MSLN: variants seen among roughly 807,000 people sequenced by gnomAD.
MSLN encodes mesothelin.
MSLN carries 82 observed loss-of-function variants against 72.6 expected under a neutral mutation model. The observed-to-expected ratio is 1.13, with a 90% CI of 0.94 to 1.36. MSLN has a LOEUF of 1.36. Ranked by LOEUF, MSLN falls within the 40% of genes most tolerant of loss-of-function variation. The pLI, the probability that MSLN is intolerant of heterozygous loss-of-function variation, is 0.00. For missense variants in MSLN, 1,005 were observed against 847.9 expected, an observed-to-expected ratio of 1.19 and a Z score of -2.30; for synonymous variants, 456 against 387.3, an observed-to-expected ratio of 1.18 and a Z score of -2.08.
At position 763,671 on chromosome 16, in the gene MSLN, C is replaced by T; in HGVS notation, c.159C>T (p.Ala53=). 4 of 1,574,324 alleles carry T rather than the reference C, an allele frequency of 2.5e-6. No homozygotes were observed. The highest frequency in any genetic ancestry group is 1.1e-5 in the South Asian group (1 of 88,712). Reference sequence around the variant, plus strand: ...CTGCGCCCCTGGACGGAGTCCTGGCCAACCCACCTAACATTTCCAGGTGGG... The same window carrying T: ...CTGCGCCCCTGGACGGAGTCCTGGCTAACCCACCTAACATTTCCAGGTGGG... ...QEAAPLDGVL[A]NPPNISSLSP... The change falls in exon 5 of 18, where the codon GCC becomes GCT. Residue 53 remains alanine, a synonymous_variant. Coordinates refer to ENST00000545450, the MANE Select transcript of MSLN (RefSeq NM_005823.6).
chr16:766,633 C>T lies in MSLN; in HGVS notation c.1231-35C>T, dbSNP rs372643119. 110 of 1,611,832 alleles carry T rather than the reference C, an allele frequency of 6.8e-5. No homozygotes were observed. The African/African-American group carries it at 1.2e-3, about 18-fold the overall frequency. On this transcript the variant is annotated intron_variant, in intron 13 of 17. Coordinates refer to ENST00000545450, the MANE Select transcript of MSLN (RefSeq NM_005823.6). ...CTGGTGGTGGAGGGATACATCTCTC[C>T]TTGCCACAAGGCTCCTCGGCGGCCC...
rs763315070 is a variant in MSLN, at chr16:766,772, C to T, written c.1335C>T (p.Ser445=). ...AFYPGYLCSL[S]PEELSSVPPS... is the part of the protein sequence containing the mutation. ...ACCCTGGGTACCTGTGCTCCCTCAG[C>T]CCCGAGGAGCTGAGCTCCGTGCCCC... The change falls in exon 14 of 18, where the codon AGC becomes AGT. Residue 445 remains serine, a synonymous_variant. Transcript: ENST00000545450. 2 of 1,612,628 alleles carry T rather than the reference C, an allele frequency of 1.2e-6. No individual in the cohort carries two copies. Among genetic ancestry groups the T allele is most frequent in the Non-Finnish European group, 1.7e-6 (2 of 1,179,892 alleles).
At chr16:765,389 C>A in intron 9 of MSLN, 86 bp downstream of exon 9, 6 of 1,433,136 alleles carry the variant, frequency 4.2e-6, no homozygotes, top group Non-Finnish European at 5.6e-6. Context: ...TGCCTCAAGG[C>A]CCAGGGTCAG....
intron 4 of MSLN, 117 bp from the exon 5 acceptor site, chr16:763,525 G>A: frequency 9.3e-7 from 1 of 1,079,192 alleles, no homozygotes; most frequent in Non-Finnish European, 1.3e-6. Flanking sequence ...CTGAGACACA[G>A]CCAGGCCTGG....
intron 16 of MSLN, among the ~76,000 whole-genome samples, chr16:768,049 G>A (rs1168731660): frequency 1.5e-4 from 13 of 87,904 alleles, no homozygotes; most frequent in Admixed American, 5.5e-4. Flanking sequence ...TGGAGGGGGC[G>A]CGTGGAGGAG....
chr16:762,824 G>T (rs2041553463), intron 3 of MSLN, 59 bp downstream of exon 3: 4 of 1,406,722 alleles, frequency 2.8e-6, no homozygotes, highest in Non-Finnish European at 3.8e-6. Context: ...TTGGGGGCCA[G>T]GCCCCCAGCA....
chr16:764,780 C>T, intron 7 of MSLN, 54 bp downstream of exon 7: 1 of 1,578,614 alleles, frequency 6.3e-7, no homozygotes, highest in Non-Finnish European at 8.6e-7. Flanking sequence ...AGCCCTCAGC[C>T]CCCAACCCCC....
Position 768,364 on chromosome 16 carries a change from C to T in MSLN, c.1597-15C>T, listed in dbSNP as rs183116698. On this transcript the variant is annotated splice_polypyrimidine_tract_variant and intron_variant, in intron 16 of 17. Transcript: ENST00000545450. Reference sequence around the variant, plus strand: ...AAGGAGACCCTCCTTGATGGCTGCCCGGGGTCTCTGGCAGCCGTTGACTGT... The same window carrying T: ...AAGGAGACCCTCCTTGATGGCTGCCTGGGGTCTCTGGCAGCCGTTGACTGT... 3.3e-5 allele frequency: 50 copies of T among 1,502,414 alleles called. No homozygotes were observed. In the Admixed American group the frequency reaches 3.4e-4, roughly 10 times the overall value. 93.1% of individuals were successfully genotyped at this position (1,502,414 alleles called of 1,614,324 possible).
intron 4 of MSLN, 125 bp from the exon 5 acceptor site, chr16:763,517 G>T: frequency 9.7e-7 from 1 of 1,027,092 alleles, no homozygotes; most frequent in Non-Finnish European, 1.4e-6. Context: ...CCATGGGTCT[G>T]AGACACAGCC....
At chr16:764,236 C>A in intron 6 of MSLN, 93 bp downstream of exon 6, 1 of 1,473,662 alleles carries the variant, frequency 6.8e-7, no homozygotes, top group East Asian at 2.4e-5. Flanking sequence ...CCACGGTCCC[C>A]TCTGTCCCTG....
chr16:763,331 C>A, intron 4 of MSLN, 55 bp downstream of exon 4: 1 of 1,389,092 alleles, frequency 7.2e-7, no homozygotes, highest in Non-Finnish European at 9.9e-7. Context: ...GGTGGGGGTG[C>A]CATGCTGTGT....
chr16:766,903 C>A lies in MSLN; in HGVS notation c.1392C>A (p.Asp464Glu), dbSNP rs552285079. 6.2e-7 allele frequency: 1 copy of A among 1,612,512 alleles called. No individual in the cohort carries two copies. The highest frequency in any genetic ancestry group is 8.5e-7 in the Non-Finnish European group (1 of 1,179,880). Residue 464 changes from aspartate to glutamate, a missense_variant, in exon 15 of 18, where the codon GAC (aspartate) becomes GAA (glutamate). Transcript: ENST00000545450. ...PSSIWAVRPQ[D>E]LDTCDPRQLD... is the part of the protein sequence containing the mutation. ...TCCCCAGGGCGGTCAGGCCCCAGGA[C>A]CTGGACACGTGTGACCCAAGGCAGC...
intron 5 of MSLN, 120 bp from the exon 6 acceptor site, chr16:763,903 A>T: frequency 7.4e-7 from 1 of 1,343,078 alleles, no homozygotes; most frequent in Non-Finnish European, 1.0e-6. Context: ...TCTTGGGGGG[A>T]GGTCTGCAGG....
At position 764,682 on chromosome 16, in the gene MSLN, C is replaced by A. The variant is rs369613794; in HGVS notation, c.336C>A (p.Pro112=). Reference sequence around the variant, plus strand: ...TGGCTCACCGGCTCTCTGAGCCCCCCGAGGACCTGGACGCCCTCCCATTGG... The same window carrying A: ...TGGCTCACCGGCTCTCTGAGCCCCCAGAGGACCTGGACGCCCTCCCATTGG... ...RCLAHRLSEP[P]EDLDALPLDL... is the part of the protein sequence containing the mutation. Residue 112 remains proline, a synonymous_variant, in exon 7 of 18, where the codon CCC becomes CCA. Coordinates refer to ENST00000545450, the MANE Select transcript of MSLN (RefSeq NM_005823.6). The A allele has an allele frequency of 1.9e-6, 3 of 1,612,386 alleles. No individual in the cohort carries two copies. The Admixed American group carries it at 5.0e-5, about 27-fold the overall frequency.
chr16:768,527 T>A lies in MSLN; in HGVS notation c.1745T>A (p.Ile582Asn). 1 of 1,600,674 alleles carries A rather than the reference T, an allele frequency of 6.2e-7. No homozygotes were observed. Among genetic ancestry groups the A allele is most frequent in the Non-Finnish European group, 8.5e-7 (1 of 1,172,756 alleles). The change falls in exon 17 of 18, where the codon ATC becomes AAC. Residue 582 changes from isoleucine to asparagine, a missense_variant. Physicochemically the swap from Ile to Asn is moderately radical, Grantham distance 149. Transcript: ENST00000545450. ...CTGGGGCTGGGGCTACAGGGCGGCA[T>A]CCCCAACGGCTACCTGGTCCTAGAC... ...DTLGLGLQGG[I>N]PNGYLVLDLS...
intron 2 of MSLN, 54 bp from the exon 3 acceptor site, chr16:762,618 C>T: frequency 7.2e-7 from 1 of 1,393,176 alleles, no homozygotes; most frequent in Non-Finnish European, 1.0e-6. Flanking sequence ...TGGCCCAGGA[C>T]AGAGGCGTGG....
Position 768,452 on chromosome 16 carries a change from GC to G in MSLN, c.1673del (p.Pro558ArgfsTer32). 2 of 1,539,790 alleles carry G rather than the reference GC, an allele frequency of 1.3e-6. No homozygotes were observed. Among genetic ancestry groups the G allele is most frequent in the South Asian group, 1.2e-5 (1 of 81,274 alleles). ...VEGLKAEERH[R>X]PVRDWILRQR... ...GGCCTGAAGGCGGAGGAGCGGCACC[GC>G]CCGGTGCGGGACTGGATCCTACGGC... On this transcript the variant is annotated frameshift_variant, in exon 17 of 18. Transcript: ENST00000545450. LOFTEE classifies it high-confidence loss of function.
At position 764,664 on chromosome 16, in the gene MSLN, C is replaced by T. The variant is rs1031505263; in HGVS notation, c.318C>T (p.His106=). 3.1e-6 allele frequency: 5 copies of T among 1,612,312 alleles called. No individual in the cohort carries two copies. In the African/African-American group the frequency reaches 5.3e-5, roughly 17 times the overall value. Residue 106 remains histidine (H), a synonymous_variant, in exon 7 of 18, where the codon CAC becomes CAT. Transcript: ENST00000545450. Reference sequence around the variant, plus strand: ...CCCTGCAGCTGCGCTGTCTGGCTCACCGGCTCTCTGAGCCCCCCGAGGACC... The same window carrying T: ...CCCTGCAGCTGCGCTGTCTGGCTCATCGGCTCTCTGAGCCCCCCGAGGACC... ...LSTEQLRCLA[H]RLSEPPEDLD...
At position 762,645 on chromosome 16, in the gene MSLN, C is replaced by G. The variant is rs781285581; in HGVS notation, c.-9-27C>G. On this transcript the variant is annotated intron_variant, in intron 2 of 17. Coordinates refer to ENST00000545450, the MANE Select transcript of MSLN (RefSeq NM_005823.6). ...GAGGCGTGGGGTGGGAGCAGGGGGT[C>G]CCATCCTGAGTCACTGCCCTCCACA... 5.1e-6 allele frequency: 8 copies of G among 1,555,446 alleles called. No individual in the cohort carries two copies. In the East Asian group the frequency reaches 1.1e-4, roughly 22 times the overall value.
Sources: allele counts gnomAD v4.1 joint callset (sites outside exome capture counted in the v4.1 genomes callset), GRCh38; gene constraint gnomAD v4.1.1; transcripts MANE v1.5; gene names NCBI Gene and HGNC (gene_info 2026-07-23, HGNC 2026-07-21).